The following BMPR1B variants were observed in gnomAD, a reference collection of about 807,000 sequenced individuals.
BMPR1B encodes bone morphogenetic protein receptor type-1B.
BMPR1B carries 12 observed loss-of-function variants against 59.1 expected under a neutral mutation model. The ratio of observed to expected loss-of-function variants is 0.20; its 90% CI spans 0.13 to 0.33. The LOEUF is 0.33. BMPR1B is among the 10% of genes least tolerant of loss of function. BMPR1B has a pLI of 1.00. For missense variants in BMPR1B, 550 were observed against 610.9 expected (o/e 0.90, Z 1.05); for synonymous variants, 237 against 207.3 (o/e 1.14, Z -1.23).
chr4:95,144,306 C>T (rs967169328), intron 10 of BMPR1B, among the ~76,000 whole-genome samples: 5 of 152,138 alleles, frequency 3.3e-5, no homozygotes, highest in Admixed American at 6.5e-5. Flanking sequence ...TCGCAAGTAG[C>T]TGGGGCTACA....
rs532795780 is a variant in BMPR1B, at chr4:95,156,890, T to C, written c.*2217T>C. 2.6e-5 allele frequency: 4 copies of C among 152,282 alleles called. No homozygotes were observed. The East Asian group carries it at 5.8e-4, about 22-fold the overall frequency. 9.4% of individuals were successfully genotyped at this position (152,282 alleles called of 1,614,324 possible). On this transcript the variant is annotated 3_prime_UTR_variant, in exon 13 of 13. Transcript: ENST00000515059. ...CTTCAGTGCCTCTAAACAGATCATC[T>C]ACAAAACAACAGGTAAACATTTATG...
chr4:95,040,888 T>C (rs1167599658), intron 3 of BMPR1B, among the ~76,000 whole-genome samples: 1 of 152,170 alleles, frequency 6.6e-6, no homozygotes, highest in Non-Finnish European at 1.5e-5. Context: ...GTGGCTCTGG[T>C]AACTTTATTC....
chr4:95,146,697 G>A (rs1734671908), intron 10 of BMPR1B, among the ~76,000 whole-genome samples: 2 of 152,150 alleles, frequency 1.3e-5, no homozygotes, highest in Non-Finnish European at 2.9e-5. Context: ...CTTCTTACCT[G>A]GGGTCACCAC....
chr4:94,993,931 C>T (rs1721902902), intron 2 of BMPR1B, among the ~76,000 whole-genome samples: 1 of 151,996 alleles, frequency 6.6e-6, no homozygotes. Context: ...TACTTAAATA[C>T]ATAGTGATTA....
chr4:94,815,839 A>G (rs1723989949), intron 1 of BMPR1B, among the ~76,000 whole-genome samples: 1 of 152,050 alleles, frequency 6.6e-6, no homozygotes, highest in Non-Finnish European at 1.5e-5. Flanking sequence ...GTTATACCCA[A>G]TTTTTCTCTT....
chr4:94,773,443 C>T (rs1722256917), intron 1 of BMPR1B, among the ~76,000 whole-genome samples: 1 of 151,994 alleles, frequency 6.6e-6, no homozygotes, highest in Admixed American at 6.6e-5. Context: ...CTGATACGTA[C>T]AAATCTAATA....
chr4:94,876,819 A>G (rs1314623650), intron 2 of BMPR1B, among the ~76,000 whole-genome samples: 2 of 152,188 alleles, frequency 1.3e-5, no homozygotes, highest in African/African-American at 4.8e-5. Flanking sequence ...ATACTTCTTA[A>G]TGGGTTTGAC....
intron 1 of BMPR1B, among the ~76,000 whole-genome samples, chr4:94,868,224 A>G (rs2148964673): frequency 6.6e-6 from 1 of 150,900 alleles, no homozygotes; most frequent in East Asian, 2.0e-4. Context: ...ACAGGAGTGC[A>G]GTGGGGTGAT....
intron 1 of BMPR1B, among the ~76,000 whole-genome samples, chr4:94,784,706 T>A (rs1459180481): frequency 6.6e-6 from 1 of 152,124 alleles, no homozygotes; most frequent in African/African-American, 2.4e-5. Context: ...CCCAGTTGAT[T>A]TCTCTGCCCA....
At chr4:94,779,288 T>C (rs1397233084) in intron 1 of BMPR1B, among the ~76,000 whole-genome samples, 1 of 152,174 alleles carries the variant, frequency 6.6e-6, no homozygotes, top group African/African-American at 2.4e-5. Context: ...TAATTGTCCA[T>C]TAATGTCAGC....
chr4:95,121,455 T>G (rs1354186266), intron 6 of BMPR1B, among the ~76,000 whole-genome samples: 1 of 152,210 alleles, frequency 6.6e-6, no homozygotes, highest in Non-Finnish European at 1.5e-5. Flanking sequence ...AGTATCCTTG[T>G]TCTTAGGAAG....
chr4:94,786,690 C>A (rs1376259171), intron 1 of BMPR1B, among the ~76,000 whole-genome samples: 1 of 151,362 alleles, frequency 6.6e-6, no homozygotes, highest in Non-Finnish European at 1.5e-5. Flanking sequence ...AGGCACCCAC[C>A]ACCATGCCTG....
intron 10 of BMPR1B, among the ~76,000 whole-genome samples, chr4:95,139,207 C>A (rs967402342): frequency 1.3e-5 from 2 of 152,156 alleles, no homozygotes; most frequent in African/African-American, 4.8e-5. Flanking sequence ...CTGGGTATCA[C>A]CAGCGGAGGC....
At chr4:94,792,156 A>T (rs1398936651) in intron 1 of BMPR1B, among the ~76,000 whole-genome samples, 1 of 152,200 alleles carries the variant, frequency 6.6e-6, no homozygotes, top group Non-Finnish European at 1.5e-5. Context: ...ATTATCACTG[A>T]TGAGCAACTT....
At chr4:95,020,834 C>G (rs1723931559) in intron 3 of BMPR1B, among the ~76,000 whole-genome samples, 1 of 152,180 alleles carries the variant, frequency 6.6e-6, no homozygotes, top group African/African-American at 2.4e-5. Context: ...CCTCAGCCTC[C>G]TGAGTAGCTA....
chr4:95,139,892 C>T lies in BMPR1B; in HGVS notation c.1076+8380C>T, dbSNP rs72878130. ...GACCCCTTGCGCTTGCCGGGTGAGG[C>T]GATATGCCCCACCCTGCTTCGGCTC... On this transcript the variant is annotated intron_variant, in intron 10 of 12. Transcript: ENST00000515059. Among the ~76,000 whole-genome samples, 6 of 152,296 alleles carry T rather than the reference C, an allele frequency of 3.9e-5. No homozygotes were observed. In the East Asian group the frequency reaches 9.7e-4, roughly 25 times the overall value.
intron 1 of BMPR1B, among the ~76,000 whole-genome samples, chr4:94,771,336 TGGAG>T (rs1346131620): frequency 6.6e-6 from 1 of 152,168 alleles, no homozygotes; most frequent in Non-Finnish European, 1.5e-5. Flanking sequence ...GCTCAAATGT[TGGAG>T]GTCTGTTAGA....
intron 1 of BMPR1B, among the ~76,000 whole-genome samples, chr4:94,794,323 A>C (rs957343361): frequency 6.6e-6 from 1 of 151,722 alleles, no homozygotes; most frequent in Non-Finnish European, 1.5e-5. Context: ...AAGATCAGAT[A>C]GCTGCAGATA....
At chr4:95,036,210 C>G (rs1407783323) in intron 3 of BMPR1B, among the ~76,000 whole-genome samples, 1 of 152,056 alleles carries the variant, frequency 6.6e-6, no homozygotes, top group Non-Finnish European at 1.5e-5. Context: ...TCCATCACCT[C>G]AAGCATTTAT....
Sources: allele counts gnomAD v4.1 joint callset (sites outside exome capture counted in the v4.1 genomes callset), GRCh38; gene constraint gnomAD v4.1.1; transcripts MANE v1.5; gene names NCBI Gene and HGNC (gene_info 2026-07-23, HGNC 2026-07-21).